The following GRID2 variants were observed in gnomAD, a reference collection of about 807,000 sequenced individuals.
The protein encoded by GRID2 is glutamate receptor ionotropic, delta-2.
GRID2 carries 33 observed loss-of-function variants against 114.8 expected under a neutral mutation model. The ratio of observed to expected loss-of-function variants is 0.29; its 90% CI spans 0.22 to 0.38. The LOEUF (loss-of-function observed/expected upper bound fraction) is 0.38. GRID2 is among the 10% of genes least tolerant of loss of function. The pLI is 1.00. For missense variants in GRID2, 1,184 were observed against 1,257.7 expected (o/e 0.94, Z 0.89); for synonymous variants, 505 against 449.9 (o/e 1.12, Z -1.55).
chr4:93,107,399 G>A (rs1732342219), intron 3 of GRID2, among the ~76,000 whole-genome samples: 1 of 152,124 alleles, frequency 6.6e-6, no homozygotes, highest in Non-Finnish European at 1.5e-5. Context: ...CAGGATTCCA[G>A]TGTTAGGAAA....
chr4:93,618,639 G>A (rs866867712), intron 13 of GRID2, among the ~76,000 whole-genome samples: 3 of 152,286 alleles, frequency 2.0e-5, no homozygotes, highest in Middle Eastern at 3.4e-3. Context: ...TATATTAATG[G>A]TAACAAATAT....
chr4:92,772,892 G>C (rs1738609831), intron 2 of GRID2, among the ~76,000 whole-genome samples: 1 of 152,180 alleles, frequency 6.6e-6, no homozygotes, highest in African/African-American at 2.4e-5. Flanking sequence ...TGATGCTATA[G>C]TCTCTGAACC....
intron 2 of GRID2, among the ~76,000 whole-genome samples, chr4:92,710,608 T>C (rs1007068343): frequency 2.6e-5 from 4 of 152,206 alleles, no homozygotes; most frequent in African/African-American, 9.6e-5. Context: ...GCTATCCTTA[T>C]TGAGAGAATG....
At chr4:92,874,481 G>A (rs1478413688) in intron 2 of GRID2, among the ~76,000 whole-genome samples, 1 of 151,996 alleles carries the variant, frequency 6.6e-6, no homozygotes, top group Non-Finnish European at 1.5e-5. Flanking sequence ...ATAGTGATAA[G>A]CAGTTAAGAA....
At chr4:92,684,953 C>T (rs1733830374) in intron 2 of GRID2, among the ~76,000 whole-genome samples, 1 of 151,906 alleles carries the variant, frequency 6.6e-6, no homozygotes, top group African/African-American at 2.4e-5. Context: ...ACATGAATGT[C>T]TTCAGCTTTC....
At chr4:93,053,011 A>G (rs1726869743) in intron 2 of GRID2, among the ~76,000 whole-genome samples, 1 of 151,934 alleles carries the variant, frequency 6.6e-6, no homozygotes, top group Admixed American at 6.6e-5. Context: ...CACATATGTC[A>G]GAGGATATAG....
intron 14 of GRID2, among the ~76,000 whole-genome samples, chr4:93,631,502 G>T (rs991384176): frequency 6.6e-6 from 1 of 152,204 alleles, no homozygotes; most frequent in Admixed American, 6.5e-5. Context: ...TGCTGAGAAT[G>T]ATGGTTTCCA....
At chr4:92,788,028 TA>T (rs897791065) in intron 2 of GRID2, among the ~76,000 whole-genome samples, 1 of 151,734 alleles carries the variant, frequency 6.6e-6, no homozygotes, top group African/African-American at 2.4e-5. Context: ...TATATATAAT[TA>T]AACATTCCAA....
At chr4:92,348,306 T>G (rs1187910806) in intron 1 of GRID2, among the ~76,000 whole-genome samples, 1 of 152,220 alleles carries the variant, frequency 6.6e-6, no homozygotes, top group Non-Finnish European at 1.5e-5. Flanking sequence ...TCTTAACGTT[T>G]CAACCTTATA....
At chr4:92,698,509 C>T (rs558450930) in intron 2 of GRID2, among the ~76,000 whole-genome samples, 97 of 151,482 alleles carry the variant, frequency 6.4e-4, no homozygotes, top group African/African-American at 2.2e-3. Flanking sequence ...TATAATATAG[C>T]TGGAGGGTCA....
intron 1 of GRID2, among the ~76,000 whole-genome samples, chr4:92,572,448 C>T (rs984874849): frequency 2.0e-5 from 3 of 152,116 alleles, no homozygotes; most frequent in African/African-American, 7.2e-5. Flanking sequence ...CCGAATTCTA[C>T]CTGAGGTACA....
intron 1 of GRID2, among the ~76,000 whole-genome samples, chr4:93,785,703 T>G (rs1405450016): frequency 6.6e-6 from 1 of 152,200 alleles, no homozygotes; most frequent in Non-Finnish European, 1.5e-5. Context: ...CATGTTCCTA[T>G]TTTAAAGAAT....
intron 14 of GRID2, among the ~76,000 whole-genome samples, chr4:93,724,465 TATTA>T (rs1729661619): frequency 6.6e-6 from 1 of 152,302 alleles, no homozygotes; most frequent in African/African-American, 2.4e-5. Flanking sequence ...TGTAATATTT[TATTA>T]ATTTTTTAAA....
intron 9 of GRID2, among the ~76,000 whole-genome samples, chr4:93,407,799 GTCCTCCTCCTCT>G (rs1560588758): frequency 2.2e-4 from 9 of 41,132 alleles, no homozygotes; most frequent in South Asian, 1.5e-3. Context: ...CCTCCTCCTC[GTCCTCCTCCTCT>G]TCCTCCTCCT....
intron 2 of GRID2, among the ~76,000 whole-genome samples, chr4:92,894,036 T>C (rs914175100): frequency 2.6e-5 from 4 of 151,926 alleles, no homozygotes; most frequent in African/African-American, 9.7e-5. Context: ...AATAAATAAC[T>C]ACAAGCTAGC....
intron 9 of GRID2, among the ~76,000 whole-genome samples, chr4:93,399,146 A>G (rs1477520873): frequency 6.6e-6 from 1 of 151,990 alleles, no homozygotes; most frequent in East Asian, 1.9e-4. Context: ...TATTCCAAGT[A>G]TTTACGTCCA....
chr4:92,888,250 G>A (rs995482975), intron 2 of GRID2, among the ~76,000 whole-genome samples: 1 of 151,992 alleles, frequency 6.6e-6, no homozygotes, highest in African/African-American at 2.4e-5. Context: ...CATAATAAAT[G>A]TACTTATTAG....
rs1450692091 is a variant in GRID2 at position 92,940,454 on chromosome 4, AAGG to A, written c.245-144538_245-144536del. On this transcript the variant is annotated intron_variant, in intron 2 of 15. Coordinates refer to ENST00000282020, the MANE Select transcript of GRID2 (RefSeq NM_001510.4). ...CTTTGCTGAAGTTGCTTATCAGCTT[AAGG>A]AGATTTTGGGCTGAGACGATGGGGT... is the stretch of plus-strand genomic sequence containing the variant. Among the ~76,000 whole-genome samples the A allele has an allele frequency of 7.9e-5, 12 of 151,786 alleles. No homozygotes were observed. The South Asian group carries it at 1.1e-3, about 13-fold the overall frequency.
chr4:92,667,713 A>G (rs947660275), intron 2 of GRID2, among the ~76,000 whole-genome samples: 1 of 151,598 alleles, frequency 6.6e-6, no homozygotes, highest in Non-Finnish European at 1.5e-5. Flanking sequence ...TAAAAAAAAT[A>G]CCCCCTAGAG....
Sources: gnomAD v4.1 joint callset for allele counts (sites outside exome capture counted in the v4.1 genomes callset) on GRCh38, gnomAD v4.1.1 for gene constraint, MANE v1.5 for transcripts, NCBI Gene and HGNC (gene_info 2026-07-23, HGNC 2026-07-21) for gene names.